The following DCTN5 variants were observed in gnomAD, a reference collection of about 807,000 sequenced individuals.
The protein encoded by DCTN5 is dynactin 4.
DCTN5 carries 14 observed loss-of-function variants against 23.5 expected under a neutral mutation model. The ratio of observed to expected loss-of-function variants is 0.60; its 90% confidence interval spans 0.39 to 0.93. DCTN5 has a LOEUF of 0.93. Among genes scored for constraint, DCTN5 ranks in the 40% least tolerant of loss-of-function variants. DCTN5 has a pLI of 0.00. For synonymous variants in DCTN5, 67 were observed against 79.6 expected, an observed-to-expected ratio of 0.84 and a Z score of 0.84; for missense variants, 156 against 225.9, an observed-to-expected ratio of 0.69 and a Z score of 1.98.
Position 23,665,657 on chromosome 16 carries a change from A to G in DCTN5, c.380A>G (p.Lys127Arg), listed in dbSNP as rs780480309. The G allele has an allele frequency of 1.9e-6, 3 of 1,613,938 alleles. No individual in the cohort carries two copies. In the African/African-American group the frequency reaches 4.0e-5, roughly 22 times the overall value. ...CGATGTGTGTTGAAAGACTGCTGCAAAATTCTTGACAACACAGTATTACCT... is the reference window on the plus strand; with the variant it reads ...CGATGTGTGTTGAAAGACTGCTGCAGAATTCTTGACAACACAGTATTACCT... The part of the protein sequence containing the change: ...GRRCVLKDCC[K>R]ILDNTVLPPE... The change falls in exon 5 of 6, where the codon AAA (lysine) becomes AGA (arginine). Residue 127 changes from lysine to arginine, a missense_variant. Physicochemically the swap from Lys to Arg is conservative, Grantham distance 26. Around this residue, in one of 2 missense-constraint regions of DCTN5, gnomAD observed 153 missense variants for 206.8 expected, o/e 0.74. Transcript: ENST00000300087.
At chr16:23,661,496 A>T (rs756245228) in intron 4 of DCTN5, among the ~76,000 whole-genome samples, 1 of 148,052 alleles carries the variant, frequency 6.8e-6, no homozygotes, top group Non-Finnish European at 1.5e-5. Flanking sequence ...AAGTGGGCAG[A>T]TCACTTGAGG....
At chr16:23,661,145 T>C in intron 3 of DCTN5, 25 bp from the exon 4 acceptor site, 1 of 1,532,732 alleles carries the variant, frequency 6.5e-7, no homozygotes, top group Non-Finnish European at 9.0e-7. Context: ...GACCTTTCTG[T>C]GTTCATCTTC....
At position 23,674,238 on chromosome 16, in the gene DCTN5, C is replaced by A. The variant is rs1426266584; in HGVS notation, c.*7094C>A. 1 of 152,140 alleles carries A rather than the reference C, an allele frequency of 6.6e-6. No individual in the cohort carries two copies. The highest frequency in any genetic ancestry group is 1.5e-5 in the Non-Finnish European group (1 of 68,038). 9.4% of individuals were successfully genotyped at this position (152,140 alleles called of 1,614,324 possible). A position where few individuals can be genotyped will look rare whatever the true frequency, so the allele number is the denominator to read the frequency against. On this transcript the variant is annotated 3_prime_UTR_variant, in exon 6 of 6. Transcript: ENST00000300087. ...GTTGGGGCCGTTGGAGATTAAGGAC[C>A]CCCTCCGTGGAGCGCTAAACTATGA...
intron 2 of DCTN5, among the ~76,000 whole-genome samples, chr16:23,646,353 T>TAAACACTTATCAGATAAGAAA (rs1967458766): frequency 6.6e-6 from 1 of 152,232 alleles, no homozygotes; most frequent in African/African-American, 2.4e-5. Context: ...ATATATGATT[T>TAAACACTTATCAGATAAGAAA]GCAAATGCTT....
intron 2 of DCTN5, among the ~76,000 whole-genome samples, chr16:23,657,271 C>T (rs2140982107): frequency 6.6e-6 from 1 of 152,280 alleles, no homozygotes; most frequent in South Asian, 2.1e-4. Flanking sequence ...GCGTGGGCAA[C>T]ATAGTGAGAC....
At chr16:23,663,031 A>C (rs1428254744) in intron 4 of DCTN5, among the ~76,000 whole-genome samples, 1 of 152,194 alleles carries the variant, frequency 6.6e-6, no homozygotes, top group Non-Finnish European at 1.5e-5. Context: ...AGATTCTTTT[A>C]GAATTCTAGA....
chr16:23,663,572 T>C (rs1362163912), intron 4 of DCTN5, among the ~76,000 whole-genome samples: 1 of 151,744 alleles, frequency 6.6e-6, no homozygotes, highest in Non-Finnish European at 1.5e-5. Context: ...AAAAATTAAC[T>C]GGGCATGGTA....
rs1967978937 is a variant in DCTN5, at chr16:23,670,013, A to AC, written c.*2873dup. On this transcript the variant is annotated 3_prime_UTR_variant, in exon 6 of 6. Transcript: ENST00000300087. ...GTTATGTACCTGTGTTCTTGTCTGA[A>AC]CCCCTACTAACTGTGAGCTCCTGAG... is the stretch of plus-strand genomic sequence containing the variant. 1 of 151,374 alleles carries AC rather than the reference A, an allele frequency of 6.6e-6. No homozygotes were observed. The highest frequency in any genetic ancestry group is 1.5e-5 in the Non-Finnish European group (1 of 67,892). The allele number at this position is 151,374 out of a possible 1,614,324, so 9.4% of individuals were successfully genotyped here.
At chr16:23,646,105 T>G (rs944009050) in intron 2 of DCTN5, among the ~76,000 whole-genome samples, 4 of 151,948 alleles carry the variant, frequency 2.6e-5, no homozygotes, top group Admixed American at 1.3e-4. Context: ...TATTTTCTGG[T>G]TTTTTTTGGA....
intron 2 of DCTN5, among the ~76,000 whole-genome samples, chr16:23,655,660 G>T (rs78969630): frequency 0.063 from 9,590 of 151,108 alleles, 634 homozygotes; most frequent in African/African-American, 0.16. Flanking sequence ...TCCCCCCACC[G>T]CAGACTCCTG....
At chr16:23,658,447 CTT>C (rs918882911) in intron 2 of DCTN5, 58 bp from the exon 3 acceptor site, 27 of 1,108,434 alleles carry the variant, frequency 2.4e-5, no homozygotes, top group South Asian at 1.1e-4. Flanking sequence ...GTTATCTACT[CTT>C]TTTTTGTTAC....
intron 5 of DCTN5, 194 bp from the exon 6 acceptor site, chr16:23,666,853 T>C (rs1373548817): frequency 1.3e-6 from 1 of 776,484 alleles, no homozygotes; most frequent in Middle Eastern, 3.9e-4. Context: ...TGTTTAGTAA[T>C]TTCTCCATAT....
At chr16:23,659,621 G>A (rs1306131762) in intron 3 of DCTN5, among the ~76,000 whole-genome samples, 1 of 152,192 alleles carries the variant, frequency 6.6e-6, no homozygotes, top group East Asian at 1.9e-4. Context: ...GTATGACCAT[G>A]GTTAGGAAGG....
chr16:23,646,827 C>T (rs751283787), intron 2 of DCTN5, among the ~76,000 whole-genome samples: 8 of 152,060 alleles, frequency 5.3e-5, no homozygotes, highest in African/African-American at 1.9e-4. Context: ...CTGCCAGCCT[C>T]GGCGTCCCAA....
At chr16:23,665,108 C>T (rs751624429) in intron 4 of DCTN5, among the ~76,000 whole-genome samples, 41 of 152,216 alleles carry the variant, frequency 2.7e-4, no homozygotes, top group Admixed American at 2.2e-3. Flanking sequence ...GGAAGTGCTG[C>T]TTTCCCCAGT....
chr16:23,657,450 T>C, intron 2 of DCTN5: 1 of 435,908 alleles, frequency 2.3e-6, no homozygotes, highest in Non-Finnish European at 4.6e-6. Context: ...AGTGAGACCC[T>C]GTGTCTTAAA....
intron 2 of DCTN5, chr16:23,650,721 A>G (rs1597116533): frequency 6.5e-7 from 1 of 1,528,718 alleles, no homozygotes; most frequent in Middle Eastern, 1.7e-4. Context: ...GCTGTTATGA[A>G]CAATCCATTT....
chr16:23,642,799 T>G, intron 1 of DCTN5, 156 bp from the exon 2 acceptor site: 5 of 632,540 alleles, frequency 7.9e-6, no homozygotes, highest in South Asian at 1.9e-5. Flanking sequence ...AGTTTCCTAA[T>G]CCATCATTGC....
chr16:23,644,788 A>AT (rs111978196), intron 2 of DCTN5, among the ~76,000 whole-genome samples: 9,507 of 150,860 alleles, frequency 0.063, 636 homozygotes, highest in African/African-American at 0.16. Flanking sequence ...CATTTTAACA[A>AT]TTTTTTAAAA....
Sources: allele counts gnomAD v4.1 joint callset (sites outside exome capture counted in the v4.1 genomes callset), GRCh38; gene constraint gnomAD v4.1.1; regional missense constraint gnomAD v4.1.1; transcripts MANE v1.5; gene names NCBI Gene and HGNC (gene_info 2026-07-23, HGNC 2026-07-21).